Variants in NCOR2 observed in about 807,000 individuals in gnomAD.
NCOR2 encodes the protein nuclear receptor corepressor 2.
Under a neutral mutation model 262.9 loss-of-function variants are expected in NCOR2, and 81 were observed. The ratio of observed to expected loss-of-function variants is 0.31; its 90% CI spans 0.26 to 0.37. The LOEUF (loss-of-function observed/expected upper bound fraction) is 0.37. Ranked by LOEUF, NCOR2 falls within the 10% of genes least tolerant of loss-of-function variation. The pLI is 1.00. For synonymous variants in NCOR2, 1,659 were observed against 1,559.3 expected, an observed-to-expected ratio of 1.06 and a Z score of -1.51; for missense variants, 3,385 against 3,621.4, an observed-to-expected ratio of 0.93 and a Z score of 1.68.
intron 20 of NCOR2, 144 bp downstream of exon 22, chr12:124,371,878 C>G (rs2039550260): frequency 1.2e-6 from 1 of 817,502 alleles, no homozygotes; most frequent in African/African-American, 1.7e-5. Context: ...TTCCTGGACT[C>G]TACTCCAAGT....
chr12:124,511,468 T>A (rs926351154), intron 1 of NCOR2, among the ~76,000 whole-genome samples: 1 of 152,184 alleles, frequency 6.6e-6, no homozygotes, highest in Non-Finnish European at 1.5e-5. Flanking sequence ...TGCTGGGGGA[T>A]GAGTGCAACC....
At chr12:124,564,495 C>T (rs996894346) in intron 1 of NCOR2, among the ~76,000 whole-genome samples, 2 of 152,088 alleles carry the variant, frequency 1.3e-5, no homozygotes, top group Non-Finnish European at 2.9e-5. Context: ...CACACACACA[C>T]AAATAAAAGC....
At chr12:124,392,295 G>C (rs970286305) in intron 16 of NCOR2, among the ~76,000 whole-genome samples, 3 of 152,152 alleles carry the variant, frequency 2.0e-5, no homozygotes, top group African/African-American at 7.2e-5. Flanking sequence ...TGTACCCCAA[G>C]TTCCTGCAGA....
At chr12:124,326,330 G>A in exon 46 of NCOR2, 3 of 1,537,764 alleles carry the variant, frequency 2.0e-6, no homozygotes, top group Non-Finnish European at 2.6e-6. Flanking sequence ...TGGCTTTTCG[G>A]CTGCTGGGTC....
chr12:124,446,082 A>AG (rs1346377954), intron 7 of NCOR2, among the ~76,000 whole-genome samples: 10 of 152,244 alleles, frequency 6.6e-5, no homozygotes, highest in African/African-American at 2.4e-4. Context: ...GACACGAGAC[A>AG]GTTTCTGCAG....
chr12:124,484,710 G>T (rs150104647), intron 2 of NCOR2, among the ~76,000 whole-genome samples: 1 of 152,116 alleles, frequency 6.6e-6, no homozygotes, highest in South Asian at 2.1e-4. Context: ...TGCAGATGGC[G>T]CCTCCTTGTC....
At chr12:124,439,254 G>GAGAAAGAGACAGAGACCC (rs1565945448) in intron 7 of NCOR2, among the ~76,000 whole-genome samples, 80 of 146,664 alleles carry the variant, frequency 5.5e-4, no homozygotes, top group Admixed American at 6.8e-4. Context: ...GACCCAGAGA[G>GAGAAAGAGACAGAGACCC]AGAGAGATGG....
At chr12:124,495,485 T>C (rs1282971476), upstream of NCOR2, 4 of 661,598 alleles carry the variant, frequency 6.0e-6, no homozygotes, top group South Asian at 2.3e-5. The surrounding 1 kb of genome is among the most constrained non-coding windows in gnomAD (Gnocchi z 4.4). Flanking sequence ...CCCAGGGGCC[T>C]GCCTGGACCC....
intron 17 of NCOR2, among the ~76,000 whole-genome samples, chr12:124,384,806 G>A (rs1297316639): frequency 1.3e-5 from 2 of 152,118 alleles, no homozygotes; most frequent in Non-Finnish European, 2.9e-5. Flanking sequence ...TCATGGTTTG[G>A]GAGTGGCGGG....
chr12:124,398,833 C>A (rs972283609), intron 15 of NCOR2, among the ~76,000 whole-genome samples: 1 of 152,228 alleles, frequency 6.6e-6, no homozygotes, highest in African/African-American at 2.4e-5. Flanking sequence ...AATGTTCATA[C>A]CCCCACTCAT....
chr12:124,380,969 C>T (rs1210652358), intron 17 of NCOR2, among the ~76,000 whole-genome samples: 1 of 152,150 alleles, frequency 6.6e-6, no homozygotes, highest in Admixed American at 6.5e-5. Context: ...ATCATTATGC[C>T]TGACGTTTAT....
chr12:124,368,396 G>A (rs2039211015), intron 20 of NCOR2, among the ~76,000 whole-genome samples: 1 of 152,164 alleles, frequency 6.6e-6, no homozygotes, highest in Non-Finnish European at 1.5e-5. Context: ...CATCAAGCTG[G>A]GACAATCCTT....
intron 1 of NCOR2, among the ~76,000 whole-genome samples, chr12:124,508,537 G>C (rs2049183345): frequency 6.6e-6 from 1 of 152,214 alleles, no homozygotes; most frequent in African/African-American, 2.4e-5. Context: ...ACCACGCCGA[G>C]GGGAGGGGCC....
At chr12:124,553,295 T>C (rs956960193) in intron 1 of NCOR2, among the ~76,000 whole-genome samples, 5 of 152,214 alleles carry the variant, frequency 3.3e-5, no homozygotes, top group Admixed American at 2.0e-4. Flanking sequence ...GTCAGCTGGT[T>C]AGCAGCCTTA....
chr12:124,438,144 G>A (rs2044474885), intron 7 of NCOR2, 148 bp from the exon 10 acceptor site: 14 of 709,438 alleles, frequency 2.0e-5, no homozygotes, highest in South Asian at 1.8e-4. Context: ...TATCCCCAGA[G>A]AGACCTGTGA....
At position 124,378,460 on chromosome 12, in the gene NCOR2, C is replaced by T. The variant is rs1263513200; in HGVS notation, c.2020-76G>A. The T allele has an allele frequency of 9.1e-6, 13 of 1,433,600 alleles. No homozygotes were observed. The highest frequency in any genetic ancestry group is 1.4e-5 in the African/African-American group (1 of 70,354). 88.8% of individuals were successfully genotyped at this position (1,433,600 alleles called of 1,614,324 possible). On this transcript the variant is annotated intron_variant, in intron 17 of 46. Coordinates refer to ENST00000405201, the Ensembl canonical transcript of NCOR2. The surrounding 1 kb of genome is among the most constrained non-coding windows in gnomAD (Gnocchi z 4.2). Reference sequence around the variant, plus strand: ...CGGGGACTCCCCATGCCTGGGGCCTCGCCGCAGGTGCAAAGGGCAGTGATC... The same window carrying T: ...CGGGGACTCCCCATGCCTGGGGCCTTGCCGCAGGTGCAAAGGGCAGTGATC...
chr12:124,403,864 C>T (rs1225302907), intron 13 of NCOR2, among the ~76,000 whole-genome samples: 1 of 152,192 alleles, frequency 6.6e-6, no homozygotes, highest in Non-Finnish European at 1.5e-5. Flanking sequence ...GAGGCTGCTG[C>T]CAGGTCCAGG....
At chr12:124,518,479 C>T (rs983908525) in intron 1 of NCOR2, among the ~76,000 whole-genome samples, 6 of 152,228 alleles carry the variant, frequency 3.9e-5, no homozygotes, top group African/African-American at 1.4e-4. Context: ...CAAGGCCCAC[C>T]GGCGACAAGT....
intron 1 of NCOR2, among the ~76,000 whole-genome samples, chr12:124,522,996 C>T (rs929041149): frequency 6.6e-6 from 1 of 152,162 alleles, no homozygotes; most frequent in African/African-American, 2.4e-5. Flanking sequence ...GATGGGGAGG[C>T]CAGACACAGG....
Sources: allele counts gnomAD v4.1 joint callset (sites outside exome capture counted in the v4.1 genomes callset), GRCh38; gene constraint gnomAD v4.1.1; non-coding constraint Gnocchi (gnomAD v3.1); transcripts MANE v1.5; gene names NCBI Gene and HGNC (gene_info 2026-07-23, HGNC 2026-07-21).